The following RIT2 variants were observed in gnomAD, a reference collection of about 807,000 sequenced individuals.
RIT2 encodes the protein GTP-binding protein Rit2.
In RIT2, 24 loss-of-function variants were observed where a neutral mutation model predicts 23.7. That is an observed-to-expected ratio of 1.01 (90% CI 0.73 to 1.43). The LOEUF (loss-of-function observed/expected upper bound fraction) is 1.43, where lower values mean the gene tolerates loss of function less well. RIT2 is among the 40% of genes most tolerant of loss of function. The probability of loss-of-function intolerance (pLI) is 0.00; values close to 1 mark genes in which losing one functional copy is unlikely to be tolerated. For synonymous variants in RIT2, 107 were observed against 91.1 expected, an observed-to-expected ratio of 1.17 and a Z score of -0.99; for missense variants, 236 against 266.9, an observed-to-expected ratio of 0.88 and a Z score of 0.81.
At chr18:42,950,415 T>G (rs1310167059) in intron 3 of RIT2, among the ~76,000 whole-genome samples, 1 of 152,214 alleles carries the variant, frequency 6.6e-6, no homozygotes, top group Admixed American at 6.6e-5. Flanking sequence ...AAGATTTAAA[T>G]GTAAGACCTC....
At chr18:42,915,680 G>C (rs1908889836) in intron 4 of RIT2, among the ~76,000 whole-genome samples, 1 of 151,990 alleles carries the variant, frequency 6.6e-6, no homozygotes, top group South Asian at 2.1e-4. Context: ...CTATCAAGTG[G>C]AAGTCTATTT....
chr18:42,947,379 G>A (rs1156550171), intron 3 of RIT2, among the ~76,000 whole-genome samples: 1 of 152,094 alleles, frequency 6.6e-6, no homozygotes, highest in Non-Finnish European at 1.5e-5. Flanking sequence ...GTTGTGATCA[G>A]TCGATTATTT....
intron 4 of RIT2, among the ~76,000 whole-genome samples, chr18:42,895,663 A>C (rs527760162): frequency 1.6e-3 from 245 of 152,292 alleles, no homozygotes; most frequent in African/African-American, 5.3e-3. Flanking sequence ...AAATTCAAGA[A>C]AACTGGATTA....
intron 1 of RIT2, among the ~76,000 whole-genome samples, chr18:43,053,280 T>C (rs1430253104): frequency 6.6e-6 from 1 of 151,974 alleles, no homozygotes; most frequent in East Asian, 1.9e-4. Context: ...ACTTCATAAA[T>C]AAGGAAATTG....
intron 2 of RIT2, among the ~76,000 whole-genome samples, chr18:42,983,478 T>C (rs1220180838): frequency 2.6e-5 from 4 of 151,960 alleles, no homozygotes; most frequent in Admixed American, 2.0e-4. Flanking sequence ...ATATTAAGCA[T>C]AGACTACAAA....
At chr18:43,094,418 G>A (rs1484203925) in intron 1 of RIT2, among the ~76,000 whole-genome samples, 1 of 151,734 alleles carries the variant, frequency 6.6e-6, no homozygotes, top group Non-Finnish European at 1.5e-5. Flanking sequence ...CTTTTAGCTG[G>A]TTCTTGATAG....
intron 1 of RIT2, among the ~76,000 whole-genome samples, chr18:43,074,368 A>T (rs999157697): frequency 3.9e-5 from 6 of 152,240 alleles, no homozygotes; most frequent in African/African-American, 1.2e-4. Context: ...TAAACATGAG[A>T]TTACACTGTA....
chr18:43,006,277 T>G (rs2144248434), intron 2 of RIT2, among the ~76,000 whole-genome samples: 1 of 151,526 alleles, frequency 6.6e-6, no homozygotes, highest in African/African-American at 2.4e-5. Flanking sequence ...AGCCATCTTT[T>G]GTACAAATAT....
At chr18:42,918,455 T>G (rs532658344) in intron 4 of RIT2, among the ~76,000 whole-genome samples, 3 of 152,286 alleles carry the variant, frequency 2.0e-5, no homozygotes, top group Admixed American at 6.5e-5. Context: ...TTTGGCTATC[T>G]ATCCCAAAAT....
At chr18:43,074,965 T>TG (rs751133042) in intron 1 of RIT2, among the ~76,000 whole-genome samples, 6 of 152,102 alleles carry the variant, frequency 3.9e-5, no homozygotes, top group Admixed American at 2.0e-4. Flanking sequence ...ACCTAAGTGA[T>TG]GGGTTGATAG....
intron 3 of RIT2, among the ~76,000 whole-genome samples, chr18:42,968,491 A>T (rs1910289629): frequency 6.6e-6 from 1 of 152,150 alleles, no homozygotes; most frequent in South Asian, 2.1e-4. Flanking sequence ...TTTCCCCAAG[A>T]TCAAAGGGTA....
chr18:43,063,003 A>G (rs1912687299), intron 1 of RIT2, among the ~76,000 whole-genome samples: 1 of 152,130 alleles, frequency 6.6e-6, no homozygotes, highest in Non-Finnish European at 1.5e-5. Context: ...AGTGATGGAC[A>G]TGGCAAAGAG....
chr18:42,987,790 C>T (rs1910746276), intron 2 of RIT2, among the ~76,000 whole-genome samples: 1 of 152,054 alleles, frequency 6.6e-6, no homozygotes, highest in South Asian at 2.1e-4. Context: ...TGATGAGGGC[C>T]TCAGGAAACA....
At chr18:42,772,616 G>A (rs946056376) in intron 4 of RIT2, among the ~76,000 whole-genome samples, 10 of 152,272 alleles carry the variant, frequency 6.6e-5, no homozygotes, top group Non-Finnish European at 1.3e-4. Flanking sequence ...AGGATGCTAG[G>A]TTCACCTATT....
chr18:42,832,754 T>C (rs1370550713), intron 4 of RIT2, among the ~76,000 whole-genome samples: 1 of 152,146 alleles, frequency 6.6e-6, no homozygotes, highest in African/African-American at 2.4e-5. Flanking sequence ...TATCAAATAT[T>C]ATAATTTATT....
Position 42,743,402 on chromosome 18 carries a change from C to T in RIT2, c.*91G>A. The T allele has an allele frequency of 4.4e-6, 4 of 904,874 alleles. No individual in the cohort carries two copies. The highest frequency in any genetic ancestry group is 1.7e-5 in the African/African-American group (1 of 60,392). 56.1% of individuals were successfully genotyped at this position (904,874 alleles called of 1,614,324 possible). A position where few individuals can be genotyped will look rare whatever the true frequency, so the allele number is the denominator to read the frequency against. ...GCAGATATTTAAAGAGAGAGAGACA[C>T]ATAGAGAGATAATATTGAAGCAGAA... On this transcript the variant is annotated 3_prime_UTR_variant, in exon 5 of 5. Transcript: ENST00000326695.
intron 4 of RIT2, among the ~76,000 whole-genome samples, chr18:42,857,996 C>A (rs1907231259): frequency 6.6e-6 from 1 of 152,080 alleles, no homozygotes; most frequent in Non-Finnish European, 1.5e-5. Context: ...GCCTGGTCAC[C>A]ATGGCGAAAC....
At chr18:42,938,160 T>A (rs1335489488) in intron 3 of RIT2, among the ~76,000 whole-genome samples, 1 of 152,188 alleles carries the variant, frequency 6.6e-6, no homozygotes, top group East Asian at 1.9e-4. Flanking sequence ...TGTTTAAAAT[T>A]GGGCATTTGA....
intron 1 of RIT2, among the ~76,000 whole-genome samples, chr18:43,039,829 A>G (rs1288190748): frequency 6.6e-6 from 1 of 152,216 alleles, no homozygotes; most frequent in East Asian, 1.9e-4. Flanking sequence ...TATGTGTAAG[A>G]TGGAGCCCAC....
Sources: allele counts gnomAD v4.1 joint callset (sites outside exome capture counted in the v4.1 genomes callset), GRCh38; gene constraint gnomAD v4.1.1; transcripts MANE v1.5; gene names NCBI Gene and HGNC (gene_info 2026-07-23, HGNC 2026-07-21).